The following GPC6 variants were observed in gnomAD, a reference collection of about 807,000 sequenced individuals.
GPC6 encodes the protein glypican 6.
A neutral mutation model predicts 55.2 loss-of-function variants in GPC6; 14 were observed. The ratio of observed to expected loss-of-function variants is 0.25; its 90% confidence interval spans 0.17 to 0.40. The LOEUF is 0.40. Among genes scored for constraint, GPC6 ranks in the 10% least tolerant of loss-of-function variants. GPC6 has a pLI of 1.00. For synonymous variants in GPC6, 278 were observed against 259.6 expected (o/e 1.07, Z -0.68); for missense variants, 641 against 708.5 (o/e 0.90, Z 1.08).
intron 3 of GPC6, among the ~76,000 whole-genome samples, chr13:93,964,588 A>G (rs577305662): frequency 1.3e-5 from 2 of 152,328 alleles, no homozygotes; most frequent in South Asian, 4.1e-4. Flanking sequence ...TTAAAAGAAT[A>G]ATGGGATCAA....
At chr13:93,468,349 C>T (rs915251804) in intron 1 of GPC6, among the ~76,000 whole-genome samples, 2 of 152,012 alleles carry the variant, frequency 1.3e-5, no homozygotes, top group Non-Finnish European at 2.9e-5. Flanking sequence ...CCACTTATCC[C>T]TATGTTCCAC....
At chr13:93,689,195 C>G (rs190037054) in intron 2 of GPC6, among the ~76,000 whole-genome samples, 1 of 151,882 alleles carries the variant, frequency 6.6e-6, no homozygotes, top group African/African-American at 2.4e-5. Flanking sequence ...AATGGCGATC[C>G]CAGAAGGCAA....
intron 3 of GPC6, among the ~76,000 whole-genome samples, chr13:93,850,461 T>C (rs978075349): frequency 2.0e-5 from 3 of 151,988 alleles, no homozygotes; most frequent in African/African-American, 7.2e-5. Flanking sequence ...ACAGATTTTA[T>C]ATCAACAGAA....
At chr13:93,764,127 TC>T (rs1885038451) in intron 2 of GPC6, among the ~76,000 whole-genome samples, 2 of 152,250 alleles carry the variant, frequency 1.3e-5, no homozygotes, top group Middle Eastern at 3.4e-3. Context: ...AGATACCTAG[TC>T]CTAAGCTTCT....
intron 2 of GPC6, among the ~76,000 whole-genome samples, chr13:93,596,490 C>A (rs1022454732): frequency 1.3e-5 from 2 of 151,634 alleles, no homozygotes; most frequent in African/African-American, 4.8e-5. Context: ...AGGGCAGTGC[C>A]AACACCATGT....
chr13:94,098,361 A>G (rs897772249), intron 4 of GPC6, among the ~76,000 whole-genome samples: 2 of 152,216 alleles, frequency 1.3e-5, no homozygotes, highest in Non-Finnish European at 2.9e-5. Context: ...TCCTTAGCCT[A>G]TCTAGACAAT....
At chr13:93,979,326 T>C (rs1296659470) in intron 3 of GPC6, among the ~76,000 whole-genome samples, 1 of 146,832 alleles carries the variant, frequency 6.8e-6, no homozygotes, top group African/African-American at 2.7e-5. Context: ...TGTTTGTGTG[T>C]GTTTTTTTGT....
chr13:93,605,574 C>T (rs1430461611), intron 2 of GPC6, among the ~76,000 whole-genome samples: 5 of 152,066 alleles, frequency 3.3e-5, no homozygotes, highest in South Asian at 2.1e-4. Context: ...TGGTGGCTCA[C>T]GCCTGTAATC....
chr13:93,717,813 A>G (rs892260487), intron 2 of GPC6, among the ~76,000 whole-genome samples: 2 of 151,304 alleles, frequency 1.3e-5, no homozygotes, highest in African/African-American at 2.4e-5. Context: ...CCCTGTGCCC[A>G]TATGTTCTCA....
intron 6 of GPC6, among the ~76,000 whole-genome samples, chr13:94,369,124 A>G (rs955002791): frequency 1.3e-5 from 2 of 152,110 alleles, no homozygotes; most frequent in South Asian, 4.1e-4. Context: ...TTAAATATTC[A>G]TCATATTTTT....
intron 5 of GPC6, among the ~76,000 whole-genome samples, chr13:94,293,207 T>C (rs1420081776): frequency 6.6e-6 from 1 of 152,174 alleles, no homozygotes; most frequent in African/African-American, 2.4e-5. Context: ...AGGAATACAA[T>C]ACAGAATGCT....
intron 2 of GPC6, among the ~76,000 whole-genome samples, chr13:93,601,380 C>G (rs1467324363): frequency 6.6e-6 from 1 of 152,004 alleles, no homozygotes; most frequent in African/African-American, 2.4e-5. Context: ...GAGACTCTAT[C>G]TCAAAATAAT....
intron 1 of GPC6, among the ~76,000 whole-genome samples, chr13:93,276,458 CAG>C (rs144297308): frequency 0.11 from 13,255 of 116,544 alleles, 744 homozygotes; most frequent in Non-Finnish European, 0.16. Flanking sequence ...CTGGCCTTTT[CAG>C]AGAGAGAGAG....
intron 3 of GPC6, among the ~76,000 whole-genome samples, chr13:93,831,779 A>G (rs917748163): frequency 1.3e-5 from 2 of 151,978 alleles, no homozygotes; most frequent in Non-Finnish European, 1.5e-5. Flanking sequence ...TATAAAGGGC[A>G]TATGATTCTA....
intron 3 of GPC6, among the ~76,000 whole-genome samples, chr13:93,908,972 C>T (rs1326049411): frequency 6.6e-6 from 1 of 152,104 alleles, no homozygotes; most frequent in Non-Finnish European, 1.5e-5. Context: ...TCTCTAACCT[C>T]TTCTCTTGCT....
At chr13:93,899,901 G>A (rs528482233) in intron 3 of GPC6, among the ~76,000 whole-genome samples, 2 of 152,182 alleles carry the variant, frequency 1.3e-5, no homozygotes, top group East Asian at 1.9e-4. Flanking sequence ...ACATGTTTCC[G>A]ATTATATGGA....
chr13:93,715,519 A>G (rs895672074), intron 2 of GPC6, among the ~76,000 whole-genome samples: 4 of 151,558 alleles, frequency 2.6e-5, no homozygotes, highest in Non-Finnish European at 5.9e-5. Context: ...ACTGAGCACT[A>G]TTCTCAGTAC....
Position 94,125,288 on chromosome 13 carries a change from G to T in GPC6, c.877+97394G>T, listed in dbSNP as rs533050970. On this transcript the variant is annotated intron_variant, in intron 4 of 8. Coordinates refer to ENST00000377047, the MANE Select transcript of GPC6 (RefSeq NM_005708.5). ...ATGTCTTGTATGAAACATATCATTT[G>T]TATCTCAAAAAAAGGAACCTGCCTT... Among the ~76,000 whole-genome samples the T allele has an allele frequency of 1.2e-4, 19 of 152,106 alleles. No homozygotes were observed. In the South Asian group the frequency reaches 3.9e-3, roughly 32 times the overall value.
At chr13:93,287,745 G>A (rs1378061765) in intron 1 of GPC6, among the ~76,000 whole-genome samples, 1 of 152,164 alleles carries the variant, frequency 6.6e-6, no homozygotes, top group Non-Finnish European at 1.5e-5. Context: ...GGGGAAATGA[G>A]ATCCATATGT....
Sources: allele counts gnomAD v4.1 joint callset (sites outside exome capture counted in the v4.1 genomes callset), GRCh38; gene constraint gnomAD v4.1.1; transcripts MANE v1.5; gene names NCBI Gene and HGNC (gene_info 2026-07-23, HGNC 2026-07-21).